DIS3: variants seen among roughly 807,000 people sequenced by gnomAD.
The protein encoded by DIS3 is DIS3 exosome endoribonuclease and 3'-5' exoribonuclease, also known as exosome complex exonuclease RRP44.
In DIS3, 103 loss-of-function variants were observed where a neutral mutation model predicts 113.0. That is an observed-to-expected ratio of 0.91 (90% CI 0.78 to 1.07). The LOEUF (loss-of-function observed/expected upper bound fraction) is 1.07, where lower values mean the gene tolerates loss of function less well. DIS3 is among the 50% of genes least tolerant of loss of function. The pLI, the probability that DIS3 is intolerant of heterozygous loss-of-function variation, is 0.00. For missense variants in DIS3, 1,121 were observed against 1,167.1 expected, an observed-to-expected ratio of 0.96 and a Z score of 0.58; for synonymous variants, 402 against 394.3, an observed-to-expected ratio of 1.02 and a Z score of -0.23.
chr13:72,780,813 G>GT, intron 2 of DIS3, 33 bp downstream of exon 2: 1 of 1,562,518 alleles, frequency 6.4e-7, no homozygotes, highest in Non-Finnish European at 8.7e-7. Context: ...TAATCCTGTG[G>GT]TTTTCTGATA....
chr13:72,763,725 A>G (rs2033684959), intron 15 of DIS3, 118 bp from the exon 16 acceptor site: 1 of 963,698 alleles, frequency 1.0e-6, no homozygotes. Flanking sequence ...TCCTATGTAA[A>G]CATTCATATG....
intron 15 of DIS3, among the ~76,000 whole-genome samples, chr13:72,763,915 G>A (rs923809367): frequency 2.0e-5 from 3 of 152,060 alleles, no homozygotes; most frequent in Non-Finnish European, 2.9e-5. Context: ...TTGGGAGGCC[G>A]AGGCAGGCAA....
chr13:72,776,726 A>C (rs2034026675), intron 4 of DIS3, among the ~76,000 whole-genome samples: 1 of 152,240 alleles, frequency 6.6e-6, no homozygotes, highest in Admixed American at 6.5e-5. Flanking sequence ...ATATATAAGA[A>C]AATGAATGCT....
intron 11 of DIS3, among the ~76,000 whole-genome samples, chr13:72,771,514 G>T (rs904561745): frequency 2.6e-5 from 4 of 151,952 alleles, no homozygotes; most frequent in South Asian, 2.1e-4. Context: ...AAACTACAAG[G>T]TGTTTTTAAA....
Position 72,754,700 on chromosome 13 carries a change from G to T in DIS3, c.*5095C>A, listed in dbSNP as rs1162159180. The T allele has an allele frequency of 6.6e-6, 1 of 152,568 alleles. No homozygotes were observed. The highest frequency in any genetic ancestry group is 1.5e-5 in the Non-Finnish European group (1 of 68,428). 9.5% of individuals were successfully genotyped at this position (152,568 alleles called of 1,614,324 possible). ...CTAAACATAAGTAGAGATAAATGAA[G>T]GATTTTTTTAAATTTTATTATTTTA... On this transcript the variant is annotated 3_prime_UTR_variant, in exon 21 of 21. Transcript: ENST00000377767.
chr13:72,781,869 C>T lies in DIS3; in HGVS notation c.-37G>A, dbSNP rs769870873. The T allele has an allele frequency of 1.6e-5, 24 of 1,494,260 alleles. No homozygotes were observed. The South Asian group carries it at 1.8e-4, about 11-fold the overall frequency. The allele number at this position is 1,494,260 out of a possible 1,614,324, so 92.6% of individuals were successfully genotyped here. A position where few individuals can be genotyped will look rare whatever the true frequency, so the allele number is the denominator to read the frequency against. The stretch of plus-strand genomic sequence containing the variant: ...GCGCAGAATCCTAACCCCAGCAGCG[C>T]TCTTCCAGCAAAAGGCGTCAATCTA... On this transcript the variant is annotated 5_prime_UTR_variant, in exon 1 of 21. Transcript: ENST00000377767.
chr13:72,780,755 T>C (rs538807786), intron 2 of DIS3, 91 bp downstream of exon 2: 16 of 1,206,704 alleles, frequency 1.3e-5, no homozygotes, highest in Non-Finnish European at 1.8e-5. Context: ...TCACTTATCT[T>C]CTGACAATGT....
chr13:72,754,931 C>G lies in DIS3; in HGVS notation c.*4864G>C, dbSNP rs908883490. ...GTCTCACTATGTTGCCAGGGCTAGT[C>G]CCAAACTCCTGGGCTCGTGCGATCC... On this transcript the variant is annotated 3_prime_UTR_variant, in exon 21 of 21. Transcript: ENST00000377767. 2.9e-5 allele frequency: 13 copies of G among 453,944 alleles called. No individual in the cohort carries two copies. The highest frequency in any genetic ancestry group is 2.6e-4 in the African/African-American group (13 of 49,652). 28.1% of individuals were successfully genotyped at this position (453,944 alleles called of 1,614,324 possible). A position where few individuals can be genotyped will look rare whatever the true frequency, so the allele number is the denominator to read the frequency against.
At chr13:72,765,674 T>A (rs2033727382) in intron 15 of DIS3, among the ~76,000 whole-genome samples, 1 of 152,172 alleles carries the variant, frequency 6.6e-6, no homozygotes, top group African/African-American at 2.4e-5. Context: ...ACTTTAGAAA[T>A]TAATTGGGGT....
At position 72,753,501 on chromosome 13, in the gene DIS3, AC is replaced by A; in HGVS notation, c.*6293del. The A allele has an allele frequency of 4.1e-6, 2 of 488,480 alleles. No individual in the cohort carries two copies. The highest frequency in any genetic ancestry group is 7.0e-6 in the Non-Finnish European group (2 of 285,344). The allele number at this position is 488,480 out of a possible 1,614,324, so 30.3% of individuals were successfully genotyped here. ...CATTGGAAGGAATTGTAAAATGACT[AC>A]AATAATCAGTACTATGCAGGACTAC... is the stretch of plus-strand genomic sequence containing the variant. On this transcript the variant is annotated 3_prime_UTR_variant, in exon 21 of 21. Transcript: ENST00000377767.
In DIS3 at chr13:72,761,949, G is replaced by A; in HGVS notation, c.2316C>T (p.Tyr772=). ...TTCTAATGGGTGAAGTAAAATGTGTGTATATTGGAGACGCTAAGCCATAGT... is the reference window on the plus strand; with the variant it reads ...TTCTAATGGGTGAAGTAAAATGTGTATATATTGGAGACGCTAAGCCATAGT... ...FHHYGLASPI[Y]THFTSPIRRY... is the part of the protein sequence containing the mutation. The change falls in exon 17 of 21, where the codon TAC becomes TAT. Residue 772 remains tyrosine (Y), a synonymous_variant. Transcript: ENST00000377767. The A allele has an allele frequency of 6.2e-7, 1 of 1,614,152 alleles. No individual in the cohort carries two copies. Among genetic ancestry groups the A allele is most frequent in the Non-Finnish European group, 8.5e-7 (1 of 1,180,032 alleles).
At chr13:72,776,213 G>A (rs1223257240) in intron 4 of DIS3, 121 bp from the exon 5 acceptor site, 61 of 922,394 alleles carry the variant, frequency 6.6e-5, no homozygotes, top group Non-Finnish European at 8.7e-5. Flanking sequence ...CTCTGAATAG[G>A]AGAGAAGATA....
rs2033917758 is a variant in DIS3, at chr13:72,772,757, T to C, written c.1322A>G (p.His441Arg). 1 of 1,613,722 alleles carries C rather than the reference T, an allele frequency of 6.2e-7. No homozygotes were observed. The highest frequency in any genetic ancestry group is 8.5e-7 in the Non-Finnish European group (1 of 1,179,924). The change falls in exon 9 of 21, where the codon CAT becomes CGT. Residue 441 changes from histidine to arginine, a missense_variant. Coordinates refer to ENST00000377767, the MANE Select transcript of DIS3 (RefSeq NM_014953.5). ...EVLLLEHDVP[H>R]QPFSQAVLSF... ...AAGAACAGCCTGTGAAAAAGGCTGA[T>C]GGGGAACATCGTGTTCAAGTAACAA... is the stretch of plus-strand genomic sequence containing the variant.
chr13:72,775,358 A>G lies in DIS3; in HGVS notation c.840T>C (p.Leu280=), dbSNP rs759121635. The G allele has an allele frequency of 6.2e-7, 1 of 1,606,880 alleles. No homozygotes were observed. The highest frequency in any genetic ancestry group is 8.5e-7 in the Non-Finnish European group (1 of 1,177,398). The change falls in exon 6 of 21, where the codon CTT becomes CTC. Residue 280 remains leucine, a synonymous_variant. Coordinates refer to ENST00000377767, the MANE Select transcript of DIS3 (RefSeq NM_014953.5). ...EENKEIILQG[L]KHLNRAVHED... ...CGTGAACAGCTCTGTTTAAATGTTT[A>G]AGTCCCTGTAAGATTATCTGTTTAA...
chr13:72,772,430 G>C (rs1338811427), intron 9 of DIS3, among the ~76,000 whole-genome samples, 155 bp from the exon 10 acceptor site: 2 of 152,178 alleles, frequency 1.3e-5, no homozygotes, highest in African/African-American at 4.8e-5. Flanking sequence ...CTGGAGCAGA[G>C]AGACACCACG....
Position 72,757,701 on chromosome 13 carries a change from A to G in DIS3, c.*2094T>C. The G allele has an allele frequency of 5.5e-6, 1 of 182,866 alleles. No homozygotes were observed. Among genetic ancestry groups the G allele is most frequent in the Non-Finnish European group, 1.2e-5 (1 of 85,884 alleles). 11.3% of individuals were successfully genotyped at this position (182,866 alleles called of 1,614,324 possible). A position where few individuals can be genotyped will look rare whatever the true frequency, so the allele number is the denominator to read the frequency against. On this transcript the variant is annotated 3_prime_UTR_variant, in exon 21 of 21. Coordinates refer to ENST00000377767, the MANE Select transcript of DIS3 (RefSeq NM_014953.5). Reference sequence around the variant, plus strand: ...CTCGTCCTCCCAAAATGCTAGGATTACAGGCATGAGCCACCGCACCTAGCC... The same window carrying G: ...CTCGTCCTCCCAAAATGCTAGGATTGCAGGCATGAGCCACCGCACCTAGCC...
At position 72,759,735 on chromosome 13, in the gene DIS3, T is replaced by C; in HGVS notation, c.*60A>G. ...ATCACACACTTAGGCTTAGAAGTGT[T>C]CTTTCAAGTTTTTTCTTTTAAAAAA... is the stretch of plus-strand genomic sequence containing the variant. On this transcript the variant is annotated 3_prime_UTR_variant, in exon 21 of 21. Transcript: ENST00000377767. The C allele has an allele frequency of 7.4e-7, 1 of 1,344,562 alleles. No individual in the cohort carries two copies. Among genetic ancestry groups the C allele is most frequent in the East Asian group, 2.3e-5 (1 of 43,432 alleles). 83.3% of individuals were successfully genotyped at this position (1,344,562 alleles called of 1,614,324 possible).
intron 4 of DIS3, 101 bp downstream of exon 4, chr13:72,777,319 C>A: frequency 9.1e-7 from 1 of 1,097,698 alleles, no homozygotes; most frequent in Non-Finnish European, 1.3e-6. Context: ...ATCCAGCTTA[C>A]CCACCGACAT....
chr13:72,778,447 C>T, intron 2 of DIS3, 67 bp from the exon 3 acceptor site: 1 of 1,326,138 alleles, frequency 7.5e-7, no homozygotes, highest in Non-Finnish European at 1.0e-6. Flanking sequence ...AAACTCTTAG[C>T]ACATAAATGC....
Sources: allele counts gnomAD v4.1 joint callset (sites outside exome capture counted in the v4.1 genomes callset), GRCh38; gene constraint gnomAD v4.1.1; transcripts MANE v1.5; gene names NCBI Gene and HGNC (gene_info 2026-07-23, HGNC 2026-07-21).